Variants in CHL1 observed in about 807,000 individuals in gnomAD.
The protein encoded by CHL1 is cell adhesion molecule L1 like.
CHL1 carries 96 observed loss-of-function variants against 141.9 expected under a neutral mutation model. That is an observed-to-expected ratio of 0.68 (90% CI 0.57 to 0.80). CHL1 has a LOEUF of 0.80. CHL1 is among the 30% of genes least tolerant of loss of function. CHL1 has a pLI of 0.00. For synonymous variants in CHL1, 613 were observed against 502.2 expected (o/e 1.22, Z -2.95); for missense variants, 1,820 against 1,457.2 (o/e 1.25, Z -4.05).
chr3:277,433 A>C lies in CHL1; in HGVS notation c.-95+32741A>C, dbSNP rs76861189. Among the ~76,000 whole-genome samples the C allele has an allele frequency of 9.6e-3, 1,465 of 152,312 alleles. 21 individuals carry two copies. The highest frequency in any genetic ancestry group is 0.033 in the African/African-American group (1,391 of 41,566). ...ATCTGTAAATACACATAACATTAAA[A>C]TCCTTAATTTGACAACTGGCAGAAG... On this transcript the variant is annotated intron_variant, in intron 2 of 27. Transcript: ENST00000256509.
chr3:224,615 A>T lies in CHL1; in HGVS notation c.-174-19998A>T, dbSNP rs561913265. On this transcript the variant is annotated intron_variant, in intron 1 of 27. Transcript: ENST00000256509. The stretch of plus-strand genomic sequence containing the variant: ...TTCTACCACGAGTAAAAACTCCCTA[A>T]TGCTCACCCAGAAGCCAAGCAGATG... Among the ~76,000 whole-genome samples the T allele has an allele frequency of 2.6e-5, 4 of 152,152 alleles. No homozygotes were observed. The South Asian group carries it at 8.3e-4, about 32-fold the overall frequency.
intron 27 of CHL1, among the ~76,000 whole-genome samples, chr3:403,537 A>T (rs551305240): frequency 6.6e-6 from 1 of 152,160 alleles, no homozygotes; most frequent in East Asian, 1.9e-4. Context: ...ACATAGCGAG[A>T]CTCCATCTCA....
intron 13 of CHL1, among the ~76,000 whole-genome samples, chr3:362,364 T>C (rs907995370): frequency 6.6e-6 from 1 of 152,198 alleles, no homozygotes; most frequent in Non-Finnish European, 1.5e-5. Context: ...TGTAGGGCAG[T>C]GTGAGATGAG....
chr3:272,726 A>T (rs974754020), intron 2 of CHL1, among the ~76,000 whole-genome samples: 9 of 152,234 alleles, frequency 5.9e-5, no homozygotes, highest in African/African-American at 2.2e-4. Context: ...TGTATTGAAA[A>T]TTCCAAAGAT....
chr3:212,200 G>C lies in CHL1; in HGVS notation c.-175+15137G>C, dbSNP rs749454100. Reference sequence around the variant, plus strand: ...AAACTGAGGTTTCTACAACGAGTTTGCATTAAAAAAAACTTGTTGGGGGTT... The same window carrying C: ...AAACTGAGGTTTCTACAACGAGTTTCCATTAAAAAAAACTTGTTGGGGGTT... On this transcript the variant is annotated intron_variant, in intron 1 of 27. Transcript: ENST00000256509. 5.7e-4 allele frequency among the ~76,000 whole-genome samples: 87 copies of C among 151,876 alleles called. 1 individual carries two copies. Among genetic ancestry groups the C allele is most frequent in the Non-Finnish European group, 1.1e-3 (75 of 67,982 alleles).
chr3:305,896 A>T (rs1301844284), intron 2 of CHL1, among the ~76,000 whole-genome samples: 1 of 152,102 alleles, frequency 6.6e-6, no homozygotes, highest in Non-Finnish European at 1.5e-5. Context: ...ATGGTACGTG[A>T]TGATAAAAAC....
chr3:221,601 A>C (rs1196995271), intron 1 of CHL1, among the ~76,000 whole-genome samples: 2 of 152,250 alleles, frequency 1.3e-5, no homozygotes, highest in Non-Finnish European at 2.9e-5. Context: ...GAGGAAAAGT[A>C]GAGGGAATTC....
chr3:395,538 AAATC>A (rs1485237158), intron 24 of CHL1, among the ~76,000 whole-genome samples: 1 of 152,236 alleles, frequency 6.6e-6, no homozygotes, highest in Non-Finnish European at 1.5e-5. Flanking sequence ...CTTTGCAGAG[AAATC>A]AGGTCAGAGG....
chr3:235,599 A>C (rs1307662162), intron 1 of CHL1, among the ~76,000 whole-genome samples: 1 of 152,148 alleles, frequency 6.6e-6, no homozygotes, highest in Non-Finnish European at 1.5e-5. Context: ...TACATTTTGG[A>C]CTATATAGGA....
chr3:298,918 A>C (rs1698455786), intron 2 of CHL1, among the ~76,000 whole-genome samples: 1 of 152,222 alleles, frequency 6.6e-6, no homozygotes, highest in Non-Finnish European at 1.5e-5. Flanking sequence ...GACACAGAAC[A>C]AGTATCTCAA....
Position 407,165 on chromosome 3 carries a change from A to G in CHL1, c.*1454A>G, listed in dbSNP as rs1183394289. The G allele has an allele frequency of 1.3e-5, 2 of 152,130 alleles. No individual in the cohort carries two copies. Among genetic ancestry groups the G allele is most frequent in the East Asian group, 1.9e-4 (1 of 5,188 alleles). 9.4% of individuals were successfully genotyped at this position (152,130 alleles called of 1,614,324 possible). A position where few individuals can be genotyped will look rare whatever the true frequency, so the allele number is the denominator to read the frequency against. On this transcript the variant is annotated 3_prime_UTR_variant, in exon 28 of 28. Transcript: ENST00000256509. Reference sequence around the variant, plus strand: ...AAGTTCAGCGCTCGACATTTTATGGAAAGATTTTTTTAACCTTACCACGAA... The same window carrying G: ...AAGTTCAGCGCTCGACATTTTATGGGAAGATTTTTTTAACCTTACCACGAA...
chr3:286,390 C>A (rs1234903713), intron 2 of CHL1, among the ~76,000 whole-genome samples: 1 of 152,070 alleles, frequency 6.6e-6, no homozygotes, highest in Non-Finnish European at 1.5e-5. Context: ...GTGAGTGGAT[C>A]ACCTGAGGTC....
At chr3:286,943 A>AT (rs1445595923) in intron 2 of CHL1, among the ~76,000 whole-genome samples, 3 of 152,050 alleles carry the variant, frequency 2.0e-5, no homozygotes, top group Non-Finnish European at 4.4e-5. Context: ...TTTCATTACC[A>AT]TTTTGGTTTT....
intron 2 of CHL1, among the ~76,000 whole-genome samples, chr3:245,195 A>T (rs942559403): frequency 1.3e-5 from 2 of 152,098 alleles, no homozygotes; most frequent in Admixed American, 1.3e-4. Context: ...TGAATCCTTG[A>T]TTGGAGTTTT....
chr3:403,622 G>A (rs912117510), intron 27 of CHL1, among the ~76,000 whole-genome samples: 5 of 152,040 alleles, frequency 3.3e-5, no homozygotes, highest in African/African-American at 1.2e-4. Context: ...CAATTTTACA[G>A]GCAAGAAAAC....
intron 2 of CHL1, among the ~76,000 whole-genome samples, chr3:311,689 T>A (rs909278143): frequency 2.0e-5 from 3 of 152,216 alleles, no homozygotes; most frequent in Non-Finnish European, 1.5e-5. Context: ...GCTAGTGGAA[T>A]GTTTTTAGTG....
intron 2 of CHL1, among the ~76,000 whole-genome samples, chr3:245,115 G>T (rs1476921908): frequency 1.3e-5 from 2 of 152,108 alleles, no homozygotes; most frequent in Non-Finnish European, 2.9e-5. Context: ...CAGAGCTCAC[G>T]CTTCATAGTC....
intron 1 of CHL1, among the ~76,000 whole-genome samples, chr3:225,036 C>T (rs1423408717): frequency 3.3e-5 from 5 of 151,882 alleles, no homozygotes; most frequent in South Asian, 2.1e-4. Flanking sequence ...CTCAGGAGGC[C>T]GGGCGGGAGA....
intron 25 of CHL1, among the ~76,000 whole-genome samples, chr3:398,694 A>G (rs1222167123): frequency 6.6e-6 from 1 of 152,210 alleles, no homozygotes; most frequent in Non-Finnish European, 1.5e-5. Context: ...CTCCATGGTC[A>G]TCTGCTTCTA....
Sources: allele counts gnomAD v4.1 joint callset (sites outside exome capture counted in the v4.1 genomes callset), GRCh38; gene constraint gnomAD v4.1.1; transcripts MANE v1.5; gene names NCBI Gene and HGNC (gene_info 2026-07-23, HGNC 2026-07-21).